AK5: variants seen among roughly 807,000 people sequenced by gnomAD.
AK5 encodes the protein adenylate kinase 5.
In AK5, 27 loss-of-function variants were observed where a neutral mutation model predicts 69.5. The observed-to-expected ratio is 0.39, with a 90% CI of 0.29 to 0.54. AK5 has a LOEUF of 0.54. Ranked by LOEUF, AK5 falls within the 20% of genes least tolerant of loss-of-function variation. The probability of loss-of-function intolerance (pLI) is 0.71; values close to 1 mark genes in which losing one functional copy is unlikely to be tolerated. For missense variants in AK5, 531 were observed against 700.4 expected (o/e 0.76, Z 2.73); for synonymous variants, 260 against 244.4 (o/e 1.06, Z -0.60).
At chr1:77,403,416 T>G (rs1649382543) in intron 6 of AK5, among the ~76,000 whole-genome samples, 1 of 152,134 alleles carries the variant, frequency 6.6e-6, no homozygotes, top group Admixed American at 6.5e-5. Flanking sequence ...CTTCTAGGGT[T>G]TTTATGGTTT....
intron 8 of AK5, among the ~76,000 whole-genome samples, chr1:77,443,823 G>C (rs116384179): frequency 0.056 from 8,498 of 151,484 alleles, 304 homozygotes; most frequent in Middle Eastern, 0.092. Flanking sequence ...TATTGTATAT[G>C]TGTAAGGTAT....
chr1:77,393,416 T>C (rs879334900), intron 6 of AK5, among the ~76,000 whole-genome samples: 3 of 152,178 alleles, frequency 2.0e-5, no homozygotes, highest in Non-Finnish European at 2.9e-5. Context: ...TTGGGACAAT[T>C]TGTTGCTATT....
chr1:77,449,644 G>A (rs542453979), intron 8 of AK5, among the ~76,000 whole-genome samples: 1 of 152,222 alleles, frequency 6.6e-6, no homozygotes, highest in Non-Finnish European at 1.5e-5. Context: ...ATTTGGGAGG[G>A]GCCAAGAGTG....
chr1:77,538,360 C>CA (rs142649086), intron 13 of AK5, among the ~76,000 whole-genome samples: 89 of 144,574 alleles, frequency 6.2e-4, no homozygotes, highest in South Asian at 1.3e-3. Context: ...ACAACAACAA[C>CA]AAAAAAAAAA....
chr1:77,373,281 C>A (rs945066611), intron 6 of AK5, among the ~76,000 whole-genome samples: 2 of 152,150 alleles, frequency 1.3e-5, no homozygotes, highest in African/African-American at 2.4e-5. Flanking sequence ...TTTAGTGTAA[C>A]CTTTTATTCA....
chr1:77,543,735 A>G (rs1659397817), intron 13 of AK5, among the ~76,000 whole-genome samples: 1 of 152,122 alleles, frequency 6.6e-6, no homozygotes, highest in Admixed American at 6.5e-5. Context: ...GACTATTCTC[A>G]TTTATGGGGG....
intron 10 of AK5, among the ~76,000 whole-genome samples, chr1:77,513,229 C>G (rs1657449787): frequency 6.6e-6 from 1 of 152,152 alleles, no homozygotes; most frequent in Non-Finnish European, 1.5e-5. Flanking sequence ...TTTCCTTGTG[C>G]TGGCAAAGGT....
At chr1:77,333,427 A>T (rs1199077995) in intron 5 of AK5, among the ~76,000 whole-genome samples, 2 of 152,124 alleles carry the variant, frequency 1.3e-5, no homozygotes, top group Non-Finnish European at 2.9e-5. Flanking sequence ...GTAATTACTT[A>T]TATACTTAGG....
intron 6 of AK5, among the ~76,000 whole-genome samples, chr1:77,404,572 C>A (rs1390027772): frequency 6.6e-6 from 1 of 152,086 alleles, no homozygotes; most frequent in Non-Finnish European, 1.5e-5. Flanking sequence ...AATCAGAATG[C>A]TCTTCAGGGT....
intron 5 of AK5, among the ~76,000 whole-genome samples, chr1:77,324,743 G>A (rs531717847): frequency 1.3e-5 from 2 of 151,900 alleles, no homozygotes; most frequent in African/African-American, 4.8e-5. Context: ...TAGGGTTGTA[G>A]TTAAAGGGGC....
rs935476152 is a variant in AK5 at position 77,529,334 on chromosome 1, G to GTTTTTTTTTTTTTTTT, written c.1429-6511_1429-6496dup. On this transcript the variant is annotated intron_variant, in intron 12 of 13. Transcript: ENST00000354567. ...AGGTGTTAGGACCCCCGTTTTATAG[G>GTTTTTTTTTTTTTTTT]TTTTTTTTTTTTTTTTTGAGACGGA... Among the ~76,000 whole-genome samples the GTTTTTTTTTTTTTTTT allele has an allele frequency of 8.0e-5, 11 of 138,024 alleles. 1 individual carries two copies. The highest frequency in any genetic ancestry group is 3.0e-4 in the African/African-American group (11 of 36,882). The allele number at this position is 138,024 out of a possible 152,430, so 90.5% of individuals were successfully genotyped here. A position where few individuals can be genotyped will look rare whatever the true frequency, so the allele number is the denominator to read the frequency against.
At chr1:77,344,631 CA>C (rs1238204204) in intron 6 of AK5, among the ~76,000 whole-genome samples, 2 of 152,116 alleles carry the variant, frequency 1.3e-5, no homozygotes, top group Non-Finnish European at 1.5e-5. Context: ...TAGATTTTTA[CA>C]GTTCCAATAA....
At chr1:77,318,116 TGG>T (rs1660334553) in intron 5 of AK5, among the ~76,000 whole-genome samples, 1 of 152,186 alleles carries the variant, frequency 6.6e-6, no homozygotes, top group Non-Finnish European at 1.5e-5. Context: ...TACCTGAGAC[TGG>T]GTAATTTATA....
chr1:77,376,023 G>C (rs933701867), intron 6 of AK5, among the ~76,000 whole-genome samples: 1 of 152,158 alleles, frequency 6.6e-6, no homozygotes, highest in East Asian at 1.9e-4. Context: ...TTAGAGATTG[G>C]TGTAGTAGCT....
intron 5 of AK5, among the ~76,000 whole-genome samples, chr1:77,336,085 CTT>C (rs36053089): frequency 1.5e-5 from 2 of 135,108 alleles, no homozygotes; most frequent in Non-Finnish European, 3.1e-5. Context: ...TCTTATAACC[CTT>C]TTTTTTTTTT....
At chr1:77,320,640 T>G (rs1660481880) in intron 5 of AK5, among the ~76,000 whole-genome samples, 1 of 152,010 alleles carries the variant, frequency 6.6e-6, no homozygotes, top group Non-Finnish European at 1.5e-5. Context: ...TACCAGCTAC[T>G]CAGGAAGCTG....
chr1:77,406,386 T>C (rs1052042370), intron 6 of AK5, among the ~76,000 whole-genome samples: 2 of 151,972 alleles, frequency 1.3e-5, no homozygotes, highest in African/African-American at 4.8e-5. Context: ...GAGATGGAAC[T>C]GAGAGTCCAA....
intron 13 of AK5, among the ~76,000 whole-genome samples, chr1:77,543,119 T>G (rs747292599): frequency 6.6e-6 from 1 of 152,224 alleles, no homozygotes; most frequent in Non-Finnish European, 1.5e-5. Flanking sequence ...CTGGTCACCA[T>G]GCTGTCAGGA....
chr1:77,342,362 C>T (rs950010385), intron 6 of AK5, among the ~76,000 whole-genome samples: 4 of 152,198 alleles, frequency 2.6e-5, no homozygotes, highest in Non-Finnish European at 4.4e-5. Context: ...TTCGTCATCA[C>T]AAGCAGAGCA....
Sources: gnomAD v4.1 joint callset for allele counts (sites outside exome capture counted in the v4.1 genomes callset) on GRCh38, gnomAD v4.1.1 for gene constraint, MANE v1.5 for transcripts, NCBI Gene and HGNC (gene_info 2026-07-23, HGNC 2026-07-21) for gene names.